PPP6R3: variants seen among roughly 807,000 people sequenced by gnomAD.
PPP6R3 encodes the protein protein phosphatase 6 regulatory subunit 3.
A neutral mutation model predicts 110.7 loss-of-function variants in PPP6R3; 38 were observed. The observed-to-expected ratio is 0.34, with a 90% CI of 0.26 to 0.45. The LOEUF (loss-of-function observed/expected upper bound fraction) is 0.45. Ranked by LOEUF, PPP6R3 falls within the 20% of genes least tolerant of loss-of-function variation. The pLI is 1.00. For synonymous variants in PPP6R3, 369 were observed against 373.5 expected (o/e 0.99, Z 0.14); for missense variants, 870 against 1,062.4 (o/e 0.82, Z 2.52).
chr11:68,476,236 G>A (rs1258199171), intron 1 of PPP6R3, among the ~76,000 whole-genome samples: 1 of 152,180 alleles, frequency 6.6e-6, no homozygotes, highest in Non-Finnish European at 1.5e-5. Flanking sequence ...CGAGGCTGGC[G>A]GATCACTCGC....
chr11:68,610,110 C>T (rs1472809510), intron 23 of PPP6R3, 87 bp downstream of exon 23: 11 of 1,525,636 alleles, frequency 7.2e-6, no homozygotes, highest in East Asian at 6.8e-5. Flanking sequence ...CTATAGGGAT[C>T]GTTTACAGCT....
At position 68,614,342 on chromosome 11, in the gene PPP6R3, A is replaced by ATATT; in HGVS notation, c.*1226_*1229dup. 1 of 1,143,230 alleles carries ATATT rather than the reference A, an allele frequency of 8.7e-7. No homozygotes were observed. The highest frequency in any genetic ancestry group is 1.1e-6 in the Non-Finnish European group (1 of 927,442). 70.8% of individuals were successfully genotyped at this position (1,143,230 alleles called of 1,614,324 possible). A position where few individuals can be genotyped will look rare whatever the true frequency, so the allele number is the denominator to read the frequency against. ...AGCCTTCTCAAACAGCTCAAGCAAT[A>ATATT]TATTGTATATTGCCATATCGTCTGG... is the stretch of plus-strand genomic sequence containing the variant. On this transcript the variant is annotated 3_prime_UTR_variant, in exon 24 of 24. Coordinates refer to ENST00000393800, the MANE Select transcript of PPP6R3 (RefSeq NM_001164161.2).
chr11:68,569,519 A>G (rs754965951), intron 10 of PPP6R3, among the ~76,000 whole-genome samples: 6 of 152,352 alleles, frequency 3.9e-5, no homozygotes, highest in East Asian at 1.9e-4. Flanking sequence ...GTCTTACTGT[A>G]TTATACTCAC....
At chr11:68,528,899 C>T (rs1209135199) in intron 2 of PPP6R3, among the ~76,000 whole-genome samples, 3 of 152,172 alleles carry the variant, frequency 2.0e-5, no homozygotes, top group Admixed American at 6.5e-5. Flanking sequence ...TGTCTGGACA[C>T]TGCATCAGTA....
At position 68,615,281 on chromosome 11, in the gene PPP6R3, C is replaced by G. The variant is rs905985700; in HGVS notation, c.*2164C>G. ...ATGAGACTAACAGATGTCTACAATA[C>G]AATACCTGTATTCAAAATAACAAAA... On this transcript the variant is annotated 3_prime_UTR_variant, in exon 24 of 24. Transcript: ENST00000393800. The G allele has an allele frequency of 5.6e-6, 2 of 356,216 alleles. No individual in the cohort carries two copies. Among genetic ancestry groups the G allele is most frequent in the Non-Finnish European group, 1.1e-5 (2 of 180,790 alleles). The allele number at this position is 356,216 out of a possible 1,614,324, so 22.1% of individuals were successfully genotyped here.
At chr11:68,466,539 C>T (rs918460894) in intron 1 of PPP6R3, among the ~76,000 whole-genome samples, 19 of 151,250 alleles carry the variant, frequency 1.3e-4, no homozygotes, top group Admixed American at 1.3e-4. Flanking sequence ...CCCGGGTTCA[C>T]GCCATTCTCC....
At chr11:68,531,257 C>T (rs1431439030) in intron 2 of PPP6R3, among the ~76,000 whole-genome samples, 1 of 152,088 alleles carries the variant, frequency 6.6e-6, no homozygotes, top group Non-Finnish European at 1.5e-5. Flanking sequence ...ACTAGAGATG[C>T]AGAATCTCAG....
intron 8 of PPP6R3, among the ~76,000 whole-genome samples, chr11:68,561,672 TATC>T (rs776981067): frequency 1.2e-4 from 19 of 152,342 alleles, no homozygotes; most frequent in South Asian, 6.2e-4. Flanking sequence ...AGAAAAAACA[TATC>T]ATCATTTTGT....
intron 16 of PPP6R3, among the ~76,000 whole-genome samples, chr11:68,588,564 T>C (rs1387144780): frequency 6.6e-6 from 1 of 151,802 alleles, no homozygotes; most frequent in Non-Finnish European, 1.5e-5. Flanking sequence ...TTCACGCCAT[T>C]CTCCTGCCTC....
At chr11:68,575,635 A>T (rs779687708) in intron 13 of PPP6R3, among the ~76,000 whole-genome samples, 1 of 152,206 alleles carries the variant, frequency 6.6e-6, no homozygotes, top group South Asian at 2.1e-4. Flanking sequence ...CACACTTTCC[A>T]GGTTAAGCTT....
chr11:68,524,806 C>T (rs1242000469), intron 2 of PPP6R3, among the ~76,000 whole-genome samples: 2 of 152,232 alleles, frequency 1.3e-5, no homozygotes, highest in Non-Finnish European at 2.9e-5. Context: ...CTGTGGCATC[C>T]TGTGAATCCA....
chr11:68,546,858 G>A (rs1221949905), intron 4 of PPP6R3, among the ~76,000 whole-genome samples: 1 of 152,138 alleles, frequency 6.6e-6, no homozygotes, highest in Non-Finnish European at 1.5e-5. Context: ...GGTGTTTCTG[G>A]CACTGAATTA....
At chr11:68,599,804 A>T (rs954285370) in intron 19 of PPP6R3, among the ~76,000 whole-genome samples, 2 of 152,154 alleles carry the variant, frequency 1.3e-5, no homozygotes, top group African/African-American at 4.8e-5. Flanking sequence ...TCTGTGTAGT[A>T]TTTCTTTTGG....
chr11:68,583,922 C>A (rs2099570252), intron 15 of PPP6R3, among the ~76,000 whole-genome samples: 1 of 151,996 alleles, frequency 6.6e-6, no homozygotes, highest in Admixed American at 6.6e-5. Context: ...TGCTTGGCTT[C>A]TTTTTTTTAG....
At chr11:68,544,552 C>T in intron 3 of PPP6R3, among the ~76,000 whole-genome samples, 1 of 152,220 alleles carries the variant, frequency 6.6e-6, no homozygotes. Context: ...AAGGCCCGGG[C>T]CCTGCAGCAT....
At chr11:68,561,719 T>A (rs1035608182) in intron 8 of PPP6R3, among the ~76,000 whole-genome samples, 2 of 152,202 alleles carry the variant, frequency 1.3e-5, no homozygotes, top group Non-Finnish European at 2.9e-5. Flanking sequence ...CTCAGCAGAT[T>A]AGTATTAGAA....
At chr11:68,612,815 C>A in intron 23 of PPP6R3, 1 of 624,868 alleles carries the variant, frequency 1.6e-6, no homozygotes, top group Non-Finnish European at 2.6e-6. Flanking sequence ...TGGGGCGGTT[C>A]TCCCAGAGCA....
At chr11:68,612,948 C>T (rs1436036812) in intron 23 of PPP6R3, 118 bp from the exon 24 acceptor site, 14 of 1,519,438 alleles carry the variant, frequency 9.2e-6, no homozygotes, top group Non-Finnish European at 1.2e-5. Context: ...TAAAAACTTA[C>T]TAAGTTCAAA....
intron 15 of PPP6R3, chr11:68,586,620 G>A (rs985567962): frequency 6.6e-6 from 1 of 152,284 alleles, no homozygotes; most frequent in South Asian, 2.1e-4. Context: ...TGAGCGACAA[G>A]GGAGGTTTTG....
Sources: gnomAD v4.1 joint callset for allele counts (sites outside exome capture counted in the v4.1 genomes callset) on GRCh38, gnomAD v4.1.1 for gene constraint, MANE v1.5 for transcripts, NCBI Gene and HGNC (gene_info 2026-07-23, HGNC 2026-07-21) for gene names.